The following EPHA6 variants were observed in gnomAD, a reference collection of about 807,000 sequenced individuals.
EPHA6 encodes the protein ephrin type-A receptor 6.
A neutral mutation model predicts 112.0 loss-of-function variants in EPHA6; 50 were observed. That is an observed-to-expected ratio of 0.45 (90% CI 0.36 to 0.56). EPHA6 has a LOEUF of 0.56. EPHA6 is among the 20% of genes least tolerant of loss of function. EPHA6 has a pLI of 0.00. For synonymous variants in EPHA6, 529 were observed against 490.7 expected, an observed-to-expected ratio of 1.08 and a Z score of -1.03; for missense variants, 1,280 against 1,417.4, an observed-to-expected ratio of 0.90 and a Z score of 1.56.
chr3:97,101,908 ATATCT>A lies in EPHA6; in HGVS notation c.1114+113918_1114+113922del, dbSNP rs140586432. Among the ~76,000 whole-genome samples the A allele has an allele frequency of 1.9e-3, 294 of 152,162 alleles. 2 individuals are homozygous for A. Among genetic ancestry groups the A allele is most frequent in the African/African-American group, 6.7e-3 (280 of 41,548 alleles). ...TACTATTTTGACTATTCATTGACAA[ATATCT>A]TAACTACTCTAAATTTCAGTTTCCT... On this transcript the variant is annotated intron_variant, in intron 3 of 17. Transcript: ENST00000389672.
At chr3:96,893,612 A>G (rs2038102203) in intron 2 of EPHA6, among the ~76,000 whole-genome samples, 1 of 152,226 alleles carries the variant, frequency 6.6e-6, no homozygotes, top group Non-Finnish European at 1.5e-5. Flanking sequence ...GAACAAAGTA[A>G]TAGGAGTTGT....
At chr3:97,643,876 C>T (rs1457625680) in intron 14 of EPHA6, among the ~76,000 whole-genome samples, 2 of 150,610 alleles carry the variant, frequency 1.3e-5, no homozygotes, top group Non-Finnish European at 3.0e-5. Context: ...TTAGACAGAT[C>T]AATGAGACAG....
chr3:97,020,219 C>T (rs932445632), intron 3 of EPHA6, among the ~76,000 whole-genome samples: 5 of 152,222 alleles, frequency 3.3e-5, no homozygotes, highest in Non-Finnish European at 7.3e-5. Flanking sequence ...CAGACTGAAG[C>T]AGTTTCCTGC....
At chr3:97,304,534 C>G (rs961716029) in intron 5 of EPHA6, among the ~76,000 whole-genome samples, 1 of 151,790 alleles carries the variant, frequency 6.6e-6, no homozygotes, top group East Asian at 1.9e-4. Context: ...ATGGTACTGG[C>G]ACAAAAACAA....
chr3:97,632,518 C>T (rs1254145436), intron 13 of EPHA6, among the ~76,000 whole-genome samples: 1 of 151,898 alleles, frequency 6.6e-6, no homozygotes, highest in Non-Finnish European at 1.5e-5. Context: ...TGACTCCTAG[C>T]ACCTAGAATT....
chr3:97,454,162 C>A (rs13434108), intron 7 of EPHA6, among the ~76,000 whole-genome samples: 17,584 of 151,722 alleles, frequency 0.12, 3,216 homozygotes, highest in African/African-American at 0.39. Context: ...ACTCTAGCTT[C>A]CATGCCACTT....
intron 2 of EPHA6, among the ~76,000 whole-genome samples, chr3:96,979,319 C>A (rs2042661680): frequency 6.6e-6 from 1 of 151,120 alleles, no homozygotes; most frequent in Admixed American, 6.6e-5. Flanking sequence ...TTTGTCCTTG[C>A]AATACTTTGC....
At chr3:97,594,936 G>A (rs2107359475) in intron 12 of EPHA6, among the ~76,000 whole-genome samples, 1 of 152,238 alleles carries the variant, frequency 6.6e-6, no homozygotes, top group East Asian at 1.9e-4. Context: ...GACATTTTCT[G>A]TATCAGTCAA....
At chr3:96,868,437 A>G (rs10212254) in intron 2 of EPHA6, among the ~76,000 whole-genome samples, 4,463 of 151,834 alleles carry the variant, frequency 0.029, 91 homozygotes, top group Non-Finnish European at 0.044. Flanking sequence ...TCTAGGTATC[A>G]ATATAGGTTA....
chr3:97,533,447 A>G (rs1577686814), intron 11 of EPHA6, among the ~76,000 whole-genome samples: 1 of 152,132 alleles, frequency 6.6e-6, no homozygotes, highest in Non-Finnish European at 1.5e-5. Flanking sequence ...GCATTGTCCA[A>G]CATGCTACCC....
At chr3:97,041,093 T>C (rs1047391881) in intron 3 of EPHA6, among the ~76,000 whole-genome samples, 2 of 152,108 alleles carry the variant, frequency 1.3e-5, no homozygotes, top group African/African-American at 4.8e-5. Flanking sequence ...CTGTTTGTAG[T>C]TTTTGTTTTT....
chr3:97,696,824 A>T lies in EPHA6; in HGVS notation c.2785-23437A>T, dbSNP rs563083389. ...CAGATGAAGAAACTGAGGCATAAAGAAACTAATTTACCCACTGTGACAAGA... is the reference window on the plus strand; with the variant it reads ...CAGATGAAGAAACTGAGGCATAAAGTAACTAATTTACCCACTGTGACAAGA... On this transcript the variant is annotated intron_variant, in intron 14 of 17. Transcript: ENST00000389672. 2.7e-3 allele frequency among the ~76,000 whole-genome samples: 411 copies of T among 152,304 alleles called. 2 individuals are homozygous for T. Among genetic ancestry groups the T allele is most frequent in the Non-Finnish European group, 5.0e-3 (337 of 68,028 alleles).
intron 11 of EPHA6, among the ~76,000 whole-genome samples, chr3:97,588,920 C>T (rs941262600): frequency 2.6e-5 from 4 of 152,046 alleles, no homozygotes; most frequent in Non-Finnish European, 5.9e-5. Flanking sequence ...AATACATGTG[C>T]GGGTTTGTTA....
At chr3:96,978,244 T>C (rs1352195764) in intron 2 of EPHA6, among the ~76,000 whole-genome samples, 1 of 152,178 alleles carries the variant, frequency 6.6e-6, no homozygotes. Context: ...GTGGCCTTCA[T>C]CCTTGTTGTC....
At chr3:97,719,190 G>T (rs1343718122) in intron 14 of EPHA6, among the ~76,000 whole-genome samples, 2 of 147,538 alleles carry the variant, frequency 1.4e-5, no homozygotes, top group South Asian at 2.2e-4. Flanking sequence ...AAGGGCCAAA[G>T]AACACACTTT....
chr3:97,715,310 T>C lies in EPHA6; in HGVS notation c.2785-4951T>C, dbSNP rs77599311. Among the ~76,000 whole-genome samples, 1,045 of 152,340 alleles carry C rather than the reference T, an allele frequency of 6.9e-3. 10 individuals carry two copies. Among genetic ancestry groups the C allele is most frequent in the Non-Finnish European group, 0.011 (719 of 68,024 alleles). On this transcript the variant is annotated intron_variant, in intron 14 of 17. Coordinates refer to ENST00000389672, the MANE Select transcript of EPHA6 (RefSeq NM_001080448.3). ...ATTTTGCAGTTCTGAAATCTAAGACTCCGAGGATTAAGCCTTGCCCAAGGT... is the reference window on the plus strand; with the variant it reads ...ATTTTGCAGTTCTGAAATCTAAGACCCCGAGGATTAAGCCTTGCCCAAGGT...
At chr3:97,140,889 G>A (rs1210845504) in intron 3 of EPHA6, among the ~76,000 whole-genome samples, 1 of 151,916 alleles carries the variant, frequency 6.6e-6, no homozygotes, top group Non-Finnish European at 1.5e-5. Flanking sequence ...CTGGCAAATA[G>A]GATTAAAAAC....
intron 5 of EPHA6, among the ~76,000 whole-genome samples, chr3:97,305,166 C>T (rs1476916232): frequency 8.6e-5 from 13 of 152,006 alleles, no homozygotes; most frequent in Non-Finnish European, 1.6e-4. Context: ...AAATGCAGAT[C>T]CAAACCACAA....
At chr3:97,625,024 T>C (rs1423410291) in intron 13 of EPHA6, among the ~76,000 whole-genome samples, 1 of 151,570 alleles carries the variant, frequency 6.6e-6, no homozygotes, top group Admixed American at 6.6e-5. Flanking sequence ...TTTTCTTTAT[T>C]GTTTTTCTAT....
Sources: gnomAD v4.1 joint callset for allele counts (sites outside exome capture counted in the v4.1 genomes callset) on GRCh38, gnomAD v4.1.1 for gene constraint, MANE v1.5 for transcripts, NCBI Gene and HGNC (gene_info 2026-07-23, HGNC 2026-07-21) for gene names.